The following GUF1 variants were observed in gnomAD, a reference collection of about 807,000 sequenced individuals.
GUF1 encodes translation factor GUF1, mitochondrial.
Under a neutral mutation model 82.4 loss-of-function variants are expected in GUF1, and 78 were observed. That is an observed-to-expected ratio of 0.95 (90% CI 0.79 to 1.14). The LOEUF (loss-of-function observed/expected upper bound fraction) is 1.14. Ranked by LOEUF, GUF1 falls within the 50% of genes most tolerant of loss-of-function variation. The pLI is 0.00. For synonymous variants in GUF1, 279 were observed against 282.3 expected, an observed-to-expected ratio of 0.99 and a Z score of 0.12; for missense variants, 814 against 798.2, an observed-to-expected ratio of 1.02 and a Z score of -0.24.
intron 9 of GUF1, 45 bp downstream of exon 9, chr4:44,688,191 A>G (rs758147364): frequency 4.6e-5 from 72 of 1,561,662 alleles, no homozygotes; most frequent in Non-Finnish European, 8.7e-7. Flanking sequence ...TGATATTTTT[A>G]AACTAAAAGT....
At chr4:44,683,362 A>T in intron 6 of GUF1, 44 bp downstream of exon 6, 1 of 1,138,986 alleles carries the variant, frequency 8.8e-7, no homozygotes, top group Non-Finnish European at 1.3e-6. Context: ...AAAAAGTCTC[A>T]AGTAATTGGG....
Position 44,698,568 on chromosome 4 carries a change from A to G in GUF1, c.1897A>G (p.Met633Val), listed in dbSNP as rs1715996089. The G allele has an allele frequency of 3.7e-6, 6 of 1,600,834 alleles. No homozygotes were observed. In the South Asian group the frequency reaches 5.7e-5, roughly 15 times the overall value. Residue 633 changes from methionine to valine, a missense_variant, in exon 17 of 17, where the codon ATG becomes GTG. Physicochemically the swap from Met to Val is conservative, Grantham distance 21. Transcript: ENST00000281543. ...KCYGGDITRK[M>V]KLLKRQAEGK... is the part of the protein sequence containing the mutation. ...GTATGGTGGTGATATTACCCGAAAA[A>G]TGAAGCTTTTGAAGAGACAAGCAGA...
Position 44,690,060 on chromosome 4 carries a change from G to A in GUF1, c.1335+85G>A, listed in dbSNP as rs929162351. On this transcript the variant is annotated intron_variant, in intron 11 of 16. Transcript: ENST00000281543. The stretch of plus-strand genomic sequence containing the variant: ...AAATGTGTGTATATACAATGCAGGA[G>A]AAGCTTTTTACTATACCAATAGCTG... The A allele has an allele frequency of 2.0e-5, 20 of 1,009,502 alleles. No homozygotes were observed. The African/African-American group carries it at 3.0e-4, about 15-fold the overall frequency. The allele number at this position is 1,009,502 out of a possible 1,614,324, so 62.5% of individuals were successfully genotyped here.
At chr4:44,697,787 T>C (rs967328041) in intron 16 of GUF1, among the ~76,000 whole-genome samples, 4 of 152,220 alleles carry the variant, frequency 2.6e-5, no homozygotes, top group African/African-American at 9.6e-5. Flanking sequence ...AATGGCTTTA[T>C]CTTACAGTTG....
At chr4:44,695,957 C>T (rs576781937) in intron 15 of GUF1, among the ~76,000 whole-genome samples, 2 of 152,070 alleles carry the variant, frequency 1.3e-5, no homozygotes, top group East Asian at 1.9e-4. Context: ...ATAACGTATA[C>T]GAGTTTGAGG....
In GUF1 at chr4:44,686,731, G is replaced by A. The variant is rs372871751; in HGVS notation, c.938+18G>A. On this transcript the variant is annotated intron_variant, in intron 8 of 16. Coordinates refer to ENST00000281543, the MANE Select transcript of GUF1 (RefSeq NM_021927.3). ...CATAAATTGTAAGTAATCTGCATTAGTAAAATTAAAATGCATTTGTATGTG... is the reference window on the plus strand; with the variant it reads ...CATAAATTGTAAGTAATCTGCATTAATAAAATTAAAATGCATTTGTATGTG... 2.0e-6 allele frequency: 3 copies of A among 1,509,296 alleles called. No individual in the cohort carries two copies. The highest frequency in any genetic ancestry group is 2.8e-6 in the Non-Finnish European group (3 of 1,086,282). The allele number at this position is 1,509,296 out of a possible 1,614,324, so 93.5% of individuals were successfully genotyped here. A position where few individuals can be genotyped will look rare whatever the true frequency, so the allele number is the denominator to read the frequency against.
chr4:44,687,989 TATA>T lies in GUF1; in HGVS notation c.939-12_939-10del. On this transcript the variant is annotated splice_polypyrimidine_tract_variant and intron_variant, in intron 8 of 16. Transcript: ENST00000281543. ...AACATTAAAGCAGTAAATATTTGCA[TATA>T]ATAATTTTATTTAGATATGCAGGAC... is the stretch of plus-strand genomic sequence containing the variant. 1 of 1,601,898 alleles carries T rather than the reference TATA, an allele frequency of 6.2e-7. No individual in the cohort carries two copies. Among genetic ancestry groups the T allele is most frequent in the Non-Finnish European group, 8.5e-7 (1 of 1,172,940 alleles).
intron 13 of GUF1, 115 bp from the exon 14 acceptor site, chr4:44,694,297 A>C (rs748826105): frequency 1.6e-4 from 103 of 660,038 alleles, no homozygotes; most frequent in Non-Finnish European, 2.5e-4. Flanking sequence ...ATGGAAACAT[A>C]TCTCTTTGGG....
chr4:44,693,136 A>G lies in GUF1; in HGVS notation c.1614-1276A>G, dbSNP rs536648595. On this transcript the variant is annotated intron_variant, in intron 13 of 16. Transcript: ENST00000281543. Reference sequence around the variant, plus strand: ...ACTTAACAGAAAGTCATCATAGACTATGAATTAAGATCAGGAAAAAACTTA... The same window carrying G: ...ACTTAACAGAAAGTCATCATAGACTGTGAATTAAGATCAGGAAAAAACTTA... Among the ~76,000 whole-genome samples the G allele has an allele frequency of 1.7e-4, 26 of 152,154 alleles. No homozygotes were observed. In the South Asian group the frequency reaches 4.6e-3, roughly 27 times the overall value.
At chr4:44,681,305 G>A (rs905087145) in intron 4 of GUF1, 102 bp downstream of exon 4, 2 of 815,790 alleles carry the variant, frequency 2.5e-6, no homozygotes, top group Non-Finnish European at 2.0e-6. Context: ...TTTTGTGTTT[G>A]AAAAATAGAT....
chr4:44,690,902 C>T (rs750832803), intron 12 of GUF1, 42 bp downstream of exon 12: 1 of 1,425,748 alleles, frequency 7.0e-7, no homozygotes, highest in Admixed American at 2.2e-5. Context: ...AGGTTTTAGT[C>T]CTCTGAAATA....
At chr4:44,696,354 C>CT (rs1247123515) in intron 15 of GUF1, among the ~76,000 whole-genome samples, 3 of 152,112 alleles carry the variant, frequency 2.0e-5, no homozygotes, top group Non-Finnish European at 4.4e-5. Context: ...ATCCCAACTA[C>CT]TTGGGAGGCT....
At chr4:44,680,196 C>T (rs978032380) in intron 1 of GUF1, among the ~76,000 whole-genome samples, 4 of 152,056 alleles carry the variant, frequency 2.6e-5, no homozygotes, top group South Asian at 4.2e-4. Context: ...CTGATTGGCC[C>T]TAAAAATTGT....
chr4:44,682,513 A>T (rs1032310540), intron 5 of GUF1, 102 bp downstream of exon 5: 77 of 553,472 alleles, frequency 1.4e-4, no homozygotes, highest in Non-Finnish European at 2.1e-4. Context: ...ATCACCAGCT[A>T]TTTATTAAAT....
chr4:44,683,511 C>T (rs538712954), intron 6 of GUF1, among the ~76,000 whole-genome samples, 193 bp downstream of exon 6: 6 of 151,950 alleles, frequency 3.9e-5, no homozygotes, highest in Non-Finnish European at 5.9e-5. Context: ...GAAATTATTG[C>T]GATGCTGTAG....
At chr4:44,694,658 TC>T in intron 14 of GUF1, 145 bp downstream of exon 14, 1 of 594,744 alleles carries the variant, frequency 1.7e-6, no homozygotes, top group Non-Finnish European at 3.0e-6. Flanking sequence ...CTCTTTTTTT[TC>T]CACACTTCTC....
chr4:44,691,755 A>C lies in GUF1; in HGVS notation c.1569A>C (p.Val523=). The change falls in exon 13 of 17, where the codon GTA becomes GTC. Residue 523 remains valine, a synonymous_variant. Transcript: ENST00000281543. ...TCTTTCCTTTGAATGAAATTGTGGT[A>C]GATTTTTATGACTCTTTGAAATCCC... ...KYLFPLNEIV[V]DFYDSLKSLS... 1 of 1,594,462 alleles carries C rather than the reference A, an allele frequency of 6.3e-7. No individual in the cohort carries two copies. Among genetic ancestry groups the C allele is most frequent in the Non-Finnish European group, 8.6e-7 (1 of 1,167,636 alleles).
Position 44,691,698 on chromosome 4 carries a change from T to C in GUF1, c.1512T>C (p.Phe504=). 6.3e-7 allele frequency: 1 copy of C among 1,591,780 alleles called. No homozygotes were observed. Among genetic ancestry groups the C allele is most frequent in the African/African-American group, 1.3e-5 (1 of 74,090 alleles). The change falls in exon 13 of 17, where the codon TTT becomes TTC. Residue 504 remains phenylalanine, a synonymous_variant. Transcript: ENST00000281543. ...GAGCAGTTCAGAAGAATATGATATT[T>C]ATTGATCAAAATAGAGTTATGCTTA... ...ARRAVQKNMI[F]IDQNRVMLKY...
At chr4:44,690,665 T>TTA (rs1715376867) in intron 11 of GUF1, 52 bp from the exon 12 acceptor site, 1 of 1,074,028 alleles carries the variant, frequency 9.3e-7, no homozygotes, top group Admixed American at 2.3e-5. Context: ...ACAAGAAAAA[T>TTA]GATAATCATT....
Sources: allele counts gnomAD v4.1 joint callset (sites outside exome capture counted in the v4.1 genomes callset), GRCh38; gene constraint gnomAD v4.1.1; transcripts MANE v1.5; gene names NCBI Gene and HGNC (gene_info 2026-07-23, HGNC 2026-07-21).